UGCG: variants seen among roughly 807,000 people sequenced by gnomAD.
UGCG encodes UDP-glucose ceramide glucosyltransferase.
A neutral mutation model predicts 49.5 loss-of-function variants in UGCG; 10 were observed. The observed-to-expected ratio is 0.20, with a 90% confidence interval of 0.12 to 0.34. UGCG has a LOEUF of 0.34. UGCG is among the 10% of genes least tolerant of loss of function. The pLI is 1.00. For synonymous variants in UGCG, 182 were observed against 158.2 expected, an observed-to-expected ratio of 1.15 and a Z score of -1.13; for missense variants, 312 against 483.7, an observed-to-expected ratio of 0.65 and a Z score of 3.33.
At position 111,934,638 on chromosome 9, in the gene UGCG, T is replaced by G. The variant is rs1189637905; in HGVS notation, c.*1641T>G. Reference sequence around the variant, plus strand: ...AATTGTCAAATGTCTATATCCATGGTTTAAATGGCAACATATCTATAAGTA... The same window carrying G: ...AATTGTCAAATGTCTATATCCATGGGTTAAATGGCAACATATCTATAAGTA... On this transcript the variant is annotated 3_prime_UTR_variant, in exon 9 of 9. Transcript: ENST00000374279. 1.3e-5 allele frequency: 2 copies of G among 152,220 alleles called. No individual in the cohort carries two copies. The highest frequency in any genetic ancestry group is 4.8e-5 in the African/African-American group (2 of 41,468). 9.4% of individuals were successfully genotyped at this position (152,220 alleles called of 1,614,324 possible).
At chr9:111,906,349 A>G (rs1837882151) in intron 1 of UGCG, among the ~76,000 whole-genome samples, 1 of 152,060 alleles carries the variant, frequency 6.6e-6, no homozygotes. Flanking sequence ...ATCATCAGTT[A>G]TTGGCTAAAC....
intron 1 of UGCG, among the ~76,000 whole-genome samples, chr9:111,898,030 A>G (rs1297735772): frequency 1.4e-5 from 2 of 147,896 alleles, no homozygotes; most frequent in Non-Finnish European, 3.0e-5. Flanking sequence ...GCCAGGGGAC[A>G]TGGTGGTGAG....
At chr9:111,927,438 G>GT (rs71496724) in intron 5 of UGCG, among the ~76,000 whole-genome samples, 7 of 151,552 alleles carry the variant, frequency 4.6e-5, no homozygotes, top group Admixed American at 2.0e-4. Context: ...AGTTTATGGG[G>GT]TTTTTTTGTT....
intron 1 of UGCG, 149 bp downstream of exon 1, chr9:111,897,462 C>T (rs1837684718): frequency 6.2e-6 from 4 of 648,502 alleles, no homozygotes; most frequent in Non-Finnish European, 1.0e-5. Context: ...GTTCCCTCGC[C>T]CCTCGGACCG....
chr9:111,921,875 G>C (rs572474278), intron 2 of UGCG, among the ~76,000 whole-genome samples: 1 of 133,990 alleles, frequency 7.5e-6, no homozygotes, highest in African/African-American at 2.8e-5. Flanking sequence ...TAGTGGCGCA[G>C]TCTTCGGCTC....
rs1289103015 is a variant in UGCG, at chr9:111,934,247, T to TA, written c.*1253dup. 4.6e-5 allele frequency: 7 copies of TA among 152,122 alleles called. 1 individual carries two copies. Among genetic ancestry groups the TA allele is most frequent in the African/African-American group, 1.7e-4 (7 of 41,414 alleles). 9.4% of individuals were successfully genotyped at this position (152,122 alleles called of 1,614,324 possible). On this transcript the variant is annotated 3_prime_UTR_variant, in exon 9 of 9. Transcript: ENST00000374279. The stretch of plus-strand genomic sequence containing the variant: ...AAATAGACTAGATCAGCGCTGGTTG[T>TA]AAATGCATGCTGTACCTCACTGTTT...
chr9:111,901,383 C>T (rs1564196696), intron 1 of UGCG, among the ~76,000 whole-genome samples: 1 of 152,154 alleles, frequency 6.6e-6, no homozygotes, highest in Non-Finnish European at 1.5e-5. Context: ...TGCCCTTGGA[C>T]TGTGGTCAAA....
At chr9:111,912,188 C>T (rs917554691) in intron 1 of UGCG, among the ~76,000 whole-genome samples, 2 of 151,524 alleles carry the variant, frequency 1.3e-5, no homozygotes, top group African/African-American at 2.4e-5. Flanking sequence ...TGGTTATATG[C>T]GTTTTAGATC....
intron 7 of UGCG, 29 bp downstream of exon 7, chr9:111,931,386 C>G (rs757749269): frequency 1.2e-5 from 19 of 1,596,680 alleles, no homozygotes. Flanking sequence ...TTTTATACTT[C>G]GTTAAAAGGA....
At chr9:111,901,858 C>T (rs1464965978) in intron 1 of UGCG, among the ~76,000 whole-genome samples, 2 of 152,184 alleles carry the variant, frequency 1.3e-5, no homozygotes, top group African/African-American at 4.8e-5. Flanking sequence ...TCTCTAGCTG[C>T]AGCCTTGTGC....
Position 111,922,851 on chromosome 9 carries a change from T to C in UGCG, c.243T>C (p.Tyr81=), listed in dbSNP as rs147528747. Residue 81 remains tyrosine, a splice_region_variant and synonymous_variant, in exon 3 of 9, where the codon TAT becomes TAC. Coordinates refer to ENST00000374279, the MANE Select transcript of UGCG (RefSeq NM_003358.3). ...ETFFELDYPK[Y]EVLLCVQDHD... Reference sequence around the variant, plus strand: ...TACATACAATGCTTTTTGACTAGTATGAAGTGCTCCTTTGTGTACAAGATC... The same window carrying C: ...TACATACAATGCTTTTTGACTAGTACGAAGTGCTCCTTTGTGTACAAGATC... The C allele has an allele frequency of 1.4e-5, 23 of 1,608,664 alleles. No homozygotes were observed. The African/African-American group carries it at 2.8e-4, about 20-fold the overall frequency.
intron 5 of UGCG, among the ~76,000 whole-genome samples, 186 bp downstream of exon 5, chr9:111,926,682 C>T (rs1273769564): frequency 2.0e-5 from 3 of 151,972 alleles, no homozygotes; most frequent in Non-Finnish European, 4.4e-5. Context: ...TTCTTGGGAC[C>T]CTGACTGTAC....
chr9:111,926,000 GGA>G (rs1007409535), intron 4 of UGCG, among the ~76,000 whole-genome samples: 1 of 152,168 alleles, frequency 6.6e-6, no homozygotes, highest in African/African-American at 2.4e-5. Flanking sequence ...TCCTATGGTT[GGA>G]GAGTAGAGAA....
chr9:111,912,888 GGTGT>G (rs112247185), intron 1 of UGCG, among the ~76,000 whole-genome samples: 254 of 150,952 alleles, frequency 1.7e-3, no homozygotes, highest in African/African-American at 3.6e-3. Context: ...TTGTAAACCT[GGTGT>G]GTGTGTGTGT....
Position 111,933,117 on chromosome 9 carries a change from CTTTAA to C in UGCG, c.*125_*129del, listed in dbSNP as rs1184649512. ...TCACATGTATGTTTTGGTATCTGTT[CTTTAA>C]TTTATTTTTGCATGGCACTTGCATC... On this transcript the variant is annotated 3_prime_UTR_variant, in exon 9 of 9. Coordinates refer to ENST00000374279, the MANE Select transcript of UGCG (RefSeq NM_003358.3). 6.8e-5 allele frequency: 63 copies of C among 923,614 alleles called. No individual in the cohort carries two copies. The highest frequency in any genetic ancestry group is 8.1e-5 in the Non-Finnish European group (58 of 714,974). The allele number at this position is 923,614 out of a possible 1,614,324, so 57.2% of individuals were successfully genotyped here.
intron 1 of UGCG, among the ~76,000 whole-genome samples, chr9:111,901,780 T>C (rs1837778444): frequency 6.6e-6 from 1 of 152,250 alleles, no homozygotes. Context: ...CCTTTCTCTC[T>C]GACATTAGTT....
chr9:111,930,686 T>C (rs1034765527), intron 6 of UGCG, among the ~76,000 whole-genome samples: 12 of 151,952 alleles, frequency 7.9e-5, no homozygotes, highest in Non-Finnish European at 1.3e-4. Flanking sequence ...GCCAGGCTAG[T>C]CTTGAACTCC....
Position 111,922,910 on chromosome 9 carries a change from T to G in UGCG, c.302T>G (p.Leu101Arg). ...DDPAIDVCKK[L>R]LGKYPNVDAR... ...CCAGCCATTGATGTATGTAAGAAGC[T>G]TCTTGGAAAATATCCAAATGTTGAT... The change falls in exon 3 of 9, where the codon CTT becomes CGT. Residue 101 changes from leucine to arginine, a missense_variant. Transcript: ENST00000374279. The G allele has an allele frequency of 1.9e-6, 3 of 1,613,300 alleles. No homozygotes were observed. Among genetic ancestry groups the G allele is most frequent in the Non-Finnish European group, 2.5e-6 (3 of 1,179,750 alleles).
rs527409746 is a variant in UGCG at position 111,923,080 on chromosome 9, T to C, written c.343+129T>C. 5 of 500,766 alleles carry C rather than the reference T, an allele frequency of 1.0e-5. No individual in the cohort carries two copies. The East Asian group carries it at 1.7e-4, about 17-fold the overall frequency. The allele number at this position is 500,766 out of a possible 1,614,324, so 31.0% of individuals were successfully genotyped here. On this transcript the variant is annotated intron_variant, in intron 3 of 8. Transcript: ENST00000374279. ...ACATGTTTGTTGGAGTACTGAGAGGTGTTTACGTCCTTTTGAGAAAAGTTA... is the reference window on the plus strand; with the variant it reads ...ACATGTTTGTTGGAGTACTGAGAGGCGTTTACGTCCTTTTGAGAAAAGTTA...
Sources: gnomAD v4.1 joint callset for allele counts (sites outside exome capture counted in the v4.1 genomes callset) on GRCh38, gnomAD v4.1.1 for gene constraint, MANE v1.5 for transcripts, NCBI Gene and HGNC (gene_info 2026-07-23, HGNC 2026-07-21) for gene names.